Variants in PARVA observed in about 807,000 individuals in gnomAD.
PARVA encodes the protein alpha-parvin.
In PARVA, 25 loss-of-function variants were observed where a neutral mutation model predicts 52.6. That is an observed-to-expected ratio of 0.48 (90% CI 0.35 to 0.66). PARVA has a LOEUF of 0.66. Among genes scored for constraint, PARVA ranks in the 30% least tolerant of loss-of-function variants. PARVA has a pLI of 0.01. For missense variants in PARVA, 373 were observed against 450.9 expected (o/e 0.83, Z 1.56); for synonymous variants, 185 against 179.1 (o/e 1.03, Z -0.26).
intron 1 of PARVA, among the ~76,000 whole-genome samples, chr11:12,414,769 G>A (rs764477440): frequency 3.9e-5 from 6 of 152,100 alleles, no homozygotes; most frequent in Non-Finnish European, 7.3e-5. Context: ...CATGGAATTA[G>A]ATTCTTACAG....
chr11:12,379,591 G>C (rs1428950986), intron 1 of PARVA, among the ~76,000 whole-genome samples: 1 of 152,082 alleles, frequency 6.6e-6, no homozygotes, highest in Non-Finnish European at 1.5e-5. Flanking sequence ...GTTTTTAATA[G>C]ATTGCTCCAT....
At chr11:12,473,674 C>A in intron 1 of PARVA, 71 bp from the exon 2 acceptor site, 2 of 1,139,718 alleles carry the variant, frequency 1.8e-6, no homozygotes, top group South Asian at 1.3e-5. Flanking sequence ...TATCGAACAC[C>A]CTTGTTACAG....
At chr11:12,469,408 A>T (rs2135031668) in intron 1 of PARVA, among the ~76,000 whole-genome samples, 1 of 152,320 alleles carries the variant, frequency 6.6e-6, no homozygotes, top group African/African-American at 2.4e-5. Flanking sequence ...GCTGCGAGAC[A>T]TTCGGACCCA....
intron 12 of PARVA, among the ~76,000 whole-genome samples, chr11:12,526,140 C>G (rs1242018106): frequency 2.0e-5 from 3 of 152,112 alleles, no homozygotes; most frequent in Non-Finnish European, 4.4e-5. Context: ...GGGTGATGGG[C>G]ACACTAAAAT....
In PARVA at chr11:12,491,098, T is replaced by A. The variant is rs146179577; in HGVS notation, c.401-5360T>A. On this transcript the variant is annotated intron_variant, in intron 4 of 12. Transcript: ENST00000334956. ...AAGTTGGTAGAAGTGAATCCAAGTA[T>A]ACTGGTAAACTCAATATCAGACCAA... 4.9e-3 allele frequency among the ~76,000 whole-genome samples: 750 copies of A among 152,294 alleles called. 7 individuals are homozygous for A. The highest frequency in any genetic ancestry group is 0.02 in the Middle Eastern group (6 of 294).
chr11:12,467,838 C>A (rs1445993974), intron 1 of PARVA, among the ~76,000 whole-genome samples: 1 of 152,128 alleles, frequency 6.6e-6, no homozygotes, highest in African/African-American at 2.4e-5. Flanking sequence ...GGGCGTGGTT[C>A]AGGGAATGTG....
At chr11:12,438,335 T>A (rs563299117) in intron 1 of PARVA, among the ~76,000 whole-genome samples, 23 of 151,776 alleles carry the variant, frequency 1.5e-4, no homozygotes, top group Non-Finnish European at 5.9e-5. Flanking sequence ...AAGTACAAGA[T>A]TGAGGGGCTT....
At chr11:12,519,247 C>T (rs952522687) in intron 12 of PARVA, among the ~76,000 whole-genome samples, 1 of 152,194 alleles carries the variant, frequency 6.6e-6, no homozygotes, top group Admixed American at 6.5e-5. Context: ...TTTGCTCGCA[C>T]TTTTCTGGTA....
chr11:12,484,332 A>G (rs757103758), intron 4 of PARVA, among the ~76,000 whole-genome samples: 1 of 152,076 alleles, frequency 6.6e-6, no homozygotes, highest in Non-Finnish European at 1.5e-5. Context: ...GAACATGTAC[A>G]TGTGCTGGGA....
chr11:12,504,130 A>G (rs1474743445), intron 5 of PARVA, among the ~76,000 whole-genome samples, 184 bp from the exon 6 acceptor site: 1 of 152,242 alleles, frequency 6.6e-6, no homozygotes, highest in South Asian at 2.1e-4. Flanking sequence ...ATCCACCCCC[A>G]CAATCCAAAT....
chr11:12,508,517 T>G, intron 6 of PARVA, 67 bp from the exon 7 acceptor site: 1 of 1,070,220 alleles, frequency 9.3e-7, no homozygotes, highest in South Asian at 1.3e-5. Flanking sequence ...CTCATCAGTG[T>G]TTCTGTATTT....
At chr11:12,456,369 A>C (rs1564851579) in intron 1 of PARVA, among the ~76,000 whole-genome samples, 1 of 152,258 alleles carries the variant, frequency 6.6e-6, no homozygotes, top group South Asian at 2.1e-4. Flanking sequence ...GCTGGGATTA[A>C]TCCAAGATCT....
chr11:12,520,135 A>G (rs541871365), intron 12 of PARVA, among the ~76,000 whole-genome samples: 1 of 152,374 alleles, frequency 6.6e-6, no homozygotes, highest in South Asian at 2.1e-4. Context: ...ATATTTTGGA[A>G]TATAGGTGAT....
intron 4 of PARVA, among the ~76,000 whole-genome samples, chr11:12,487,037 T>A (rs1277901233): frequency 6.6e-6 from 1 of 152,086 alleles, no homozygotes; most frequent in Non-Finnish European, 1.5e-5. Flanking sequence ...TGGAAGGAAC[T>A]CCAGCAGAGC....
chr11:12,498,360 A>G (rs1407041634), intron 5 of PARVA, among the ~76,000 whole-genome samples: 1 of 152,102 alleles, frequency 6.6e-6, no homozygotes, highest in Admixed American at 6.5e-5. Flanking sequence ...TTAAAGCCAC[A>G]TCAAGAACAT....
chr11:12,497,310 TA>T (rs1419794998), intron 5 of PARVA, among the ~76,000 whole-genome samples: 1 of 152,158 alleles, frequency 6.6e-6, no homozygotes, highest in Non-Finnish European at 1.5e-5. Flanking sequence ...TTGTAATAGA[TA>T]AAAATATGAA....
At chr11:12,518,094 A>G (rs1378152251) in intron 11 of PARVA, among the ~76,000 whole-genome samples, 1 of 150,092 alleles carries the variant, frequency 6.7e-6, no homozygotes, top group Admixed American at 6.6e-5. Context: ...TCGCTACACA[A>G]AGGCATTTGA....
At position 12,515,638 on chromosome 11, in the gene PARVA, C is replaced by T. The variant is rs566869416; in HGVS notation, c.867+1573C>T. On this transcript the variant is annotated intron_variant, in intron 10 of 12. Coordinates refer to ENST00000334956, the MANE Select transcript of PARVA (RefSeq NM_018222.5). ...ACCCCAACCCTAACCCAAGGTCACC[C>T]CTGAGCTCACAGATTGGATTCTTTT... Among the ~76,000 whole-genome samples, 16 of 152,262 alleles carry T rather than the reference C, an allele frequency of 1.1e-4. No individual in the cohort carries two copies. In the South Asian group the frequency reaches 2.9e-3, roughly 28 times the overall value.
In PARVA at chr11:12,513,372, G is replaced by A. The variant is rs1184686079; in HGVS notation, c.798+12G>A. The stretch of plus-strand genomic sequence containing the variant: ...ATGTGGTGAAAAAGGTGGGAAAGGG[G>A]TGCCTGGGATGGACAGAGGGAAGCG... On this transcript the variant is annotated intron_variant, in intron 9 of 12. Transcript: ENST00000334956. The A allele has an allele frequency of 1.2e-6, 2 of 1,612,426 alleles. No individual in the cohort carries two copies. The highest frequency in any genetic ancestry group is 2.7e-5 in the African/African-American group (2 of 75,016).
Sources: gnomAD v4.1 joint callset for allele counts (sites outside exome capture counted in the v4.1 genomes callset) on GRCh38, gnomAD v4.1.1 for gene constraint, MANE v1.5 for transcripts, NCBI Gene and HGNC (gene_info 2026-07-23, HGNC 2026-07-21) for gene names.